Variants in UVRAG observed in about 807,000 individuals in gnomAD.
The protein encoded by UVRAG is UV radiation resistance associated, also known as UV radiation resistance-associated gene protein.
Under a neutral mutation model 78.0 loss-of-function variants are expected in UVRAG, and 19 were observed. That is an observed-to-expected ratio of 0.24 (90% confidence interval 0.17 to 0.36). The LOEUF (loss-of-function observed/expected upper bound fraction) is 0.36, where lower values mean the gene tolerates loss of function less well. Among genes scored for constraint, UVRAG ranks in the 10% least tolerant of loss-of-function variants. The probability of loss-of-function intolerance (pLI) is 1.00; values close to 1 mark genes in which losing one functional copy is unlikely to be tolerated. For missense variants in UVRAG, 740 were observed against 853.8 expected, an observed-to-expected ratio of 0.87 and a Z score of 1.66; for synonymous variants, 323 against 324.6, an observed-to-expected ratio of 1.00 and a Z score of 0.05.
At chr11:76,129,244 C>T (rs1158627210) in intron 14 of UVRAG, among the ~76,000 whole-genome samples, 2 of 152,230 alleles carry the variant, frequency 1.3e-5, no homozygotes, top group African/African-American at 4.8e-5. Context: ...GACAACCTCT[C>T]CTATAACTAT....
intron 5 of UVRAG, among the ~76,000 whole-genome samples, chr11:75,899,543 TGGTGAATAGCAGATC>T (rs1238150818): frequency 2.0e-5 from 3 of 152,012 alleles, no homozygotes; most frequent in Non-Finnish European, 4.4e-5. Context: ...ATGGCATAGG[TGGTGAATAGCAGATC>T]CATGATTCGA....
chr11:75,932,469 A>G (rs1300642916), intron 6 of UVRAG, among the ~76,000 whole-genome samples: 1 of 151,964 alleles, frequency 6.6e-6, no homozygotes, highest in Admixed American at 6.6e-5. Context: ...TATTTTTAGC[A>G]GGGATGGGGT....
intron 6 of UVRAG, among the ~76,000 whole-genome samples, chr11:75,921,614 A>G (rs1387286475): frequency 6.6e-6 from 1 of 151,982 alleles, no homozygotes; most frequent in Admixed American, 6.5e-5. Flanking sequence ...CCTTGCTTCT[A>G]TAGATATTTT....
In UVRAG at chr11:76,024,834, C is replaced by T. The variant is rs115776476; in HGVS notation, c.1226+7854C>T. On this transcript the variant is annotated intron_variant, in intron 12 of 14. Coordinates refer to ENST00000356136, the MANE Select transcript of UVRAG (RefSeq NM_003369.4). ...ACATGGTTTTTCTTTCTCTTGTTTT[C>T]AATTTTGATGTAAACCTTTCCAGGA... Among the ~76,000 whole-genome samples the T allele has an allele frequency of 9.3e-3, 1,418 of 152,174 alleles. 19 individuals carry two copies. The highest frequency in any genetic ancestry group is 0.033 in the African/African-American group (1,363 of 41,516).
At chr11:76,020,272 CA>C (rs1333322872) in intron 12 of UVRAG, among the ~76,000 whole-genome samples, 3 of 152,108 alleles carry the variant, frequency 2.0e-5, no homozygotes, top group Non-Finnish European at 4.4e-5. Flanking sequence ...AAATGCCATC[CA>C]AGAGCCAAGG....
intron 12 of UVRAG, among the ~76,000 whole-genome samples, chr11:76,052,466 C>T (rs757929772): frequency 7.9e-5 from 12 of 152,316 alleles, no homozygotes; most frequent in Non-Finnish European, 1.5e-4. Context: ...AGGCTTCCCA[C>T]CAGCTTCATT....
chr11:76,051,307 A>T (rs1216167573), intron 12 of UVRAG, among the ~76,000 whole-genome samples: 1 of 152,120 alleles, frequency 6.6e-6, no homozygotes, highest in Non-Finnish European at 1.5e-5. Flanking sequence ...GTGCTGTTAA[A>T]TCCAGGCAAA....
At chr11:76,110,283 A>G (rs1352872416) in intron 13 of UVRAG, among the ~76,000 whole-genome samples, 14 of 150,900 alleles carry the variant, frequency 9.3e-5, no homozygotes, top group Admixed American at 9.2e-4. Context: ...GATGTACCAG[A>G]TATTATTTTG....
intron 13 of UVRAG, among the ~76,000 whole-genome samples, chr11:76,074,317 T>G (rs1951366554): frequency 6.6e-6 from 1 of 152,166 alleles, no homozygotes; most frequent in South Asian, 2.1e-4. Context: ...GACACATGTG[T>G]CATTTCCCCA....
intron 6 of UVRAG, among the ~76,000 whole-genome samples, chr11:75,943,169 T>C (rs1431600773): frequency 6.6e-6 from 1 of 152,170 alleles, no homozygotes; most frequent in African/African-American, 2.4e-5. Context: ...AAAATCATCA[T>C]GGCCTACACC....
intron 6 of UVRAG, among the ~76,000 whole-genome samples, chr11:75,913,111 A>G (rs182665447): frequency 9.8e-5 from 15 of 152,334 alleles, no homozygotes; most frequent in Middle Eastern, 6.8e-3. Flanking sequence ...AGTTTTGAAA[A>G]GAAGAAAGTT....
intron 1 of UVRAG, among the ~76,000 whole-genome samples, chr11:75,820,218 T>A (rs563365772): frequency 6.6e-6 from 1 of 152,236 alleles, no homozygotes; most frequent in East Asian, 1.9e-4. Context: ...CCTCAAGATA[T>A]CCTCCCGCCT....
chr11:75,816,246 T>A (rs1371537105), intron 1 of UVRAG, among the ~76,000 whole-genome samples: 2 of 152,228 alleles, frequency 1.3e-5, no homozygotes, highest in Non-Finnish European at 2.9e-5. Flanking sequence ...ACTTCTTGGC[T>A]CTGCGTTGTA....
intron 13 of UVRAG, among the ~76,000 whole-genome samples, chr11:76,102,401 A>G (rs1951893377): frequency 2.0e-5 from 3 of 152,022 alleles, no homozygotes; most frequent in Admixed American, 2.0e-4. Flanking sequence ...AATGCTAGTG[A>G]TTTTTGTACG....
At chr11:75,948,159 T>A (rs1001241266) in intron 6 of UVRAG, among the ~76,000 whole-genome samples, 3 of 152,188 alleles carry the variant, frequency 2.0e-5, no homozygotes, top group Non-Finnish European at 2.9e-5. Flanking sequence ...TTTTTTCTTT[T>A]GTATAAAGAG....
Position 76,114,777 on chromosome 11 carries a change from A to G in UVRAG, c.1306-1147A>G, listed in dbSNP as rs73001587. On this transcript the variant is annotated intron_variant, in intron 13 of 14. Transcript: ENST00000356136. ...AACTGACTGTTTTTAGTAGGTGTTT[A>G]TTTATGCCCCCTGTTGTCTTACTCT... is the stretch of plus-strand genomic sequence containing the variant. 3.5e-3 allele frequency among the ~76,000 whole-genome samples: 536 copies of G among 152,216 alleles called. 3 individuals carry two copies. The highest frequency in any genetic ancestry group is 9.0e-3 in the Admixed American group (138 of 15,288).
At chr11:76,114,355 C>T (rs1460716603) in intron 13 of UVRAG, among the ~76,000 whole-genome samples, 1 of 152,112 alleles carries the variant, frequency 6.6e-6, no homozygotes, top group African/African-American at 2.4e-5. Flanking sequence ...AAACTATTTT[C>T]CTTCTGCTTT....
At chr11:76,094,719 T>G (rs1172401743) in intron 13 of UVRAG, among the ~76,000 whole-genome samples, 1 of 152,216 alleles carries the variant, frequency 6.6e-6, no homozygotes, top group Non-Finnish European at 1.5e-5. Context: ...CCTTTATCAT[T>G]TTTTATTGCA....
chr11:75,948,702 G>T (rs1948627385), intron 6 of UVRAG, among the ~76,000 whole-genome samples: 1 of 152,162 alleles, frequency 6.6e-6, no homozygotes, highest in African/African-American at 2.4e-5. Flanking sequence ...AACATGACTA[G>T]AAGTACATAT....
Sources: allele counts gnomAD v4.1 joint callset (sites outside exome capture counted in the v4.1 genomes callset), GRCh38; gene constraint gnomAD v4.1.1; transcripts MANE v1.5; gene names NCBI Gene and HGNC (gene_info 2026-07-23, HGNC 2026-07-21).